LYRM4: variants seen among roughly 807,000 people sequenced by gnomAD.
LYRM4 encodes the protein LYR motif-containing protein 4.
LYRM4 carries 9 observed loss-of-function variants against 11.7 expected under a neutral mutation model. The ratio of observed to expected loss-of-function variants is 0.77; its 90% CI spans 0.46 to 1.34. The LOEUF is 1.34. Among genes scored for constraint, LYRM4 ranks in the 40% most tolerant of loss-of-function variants. The probability of loss-of-function intolerance (pLI) is 0.00; values close to 1 mark genes in which losing one functional copy is unlikely to be tolerated. For missense variants in LYRM4, 133 were observed against 112.5 expected, an observed-to-expected ratio of 1.18 and a Z score of -0.82; for synonymous variants, 42 against 40.4, an observed-to-expected ratio of 1.04 and a Z score of -0.15.
chr6:5,260,601 C>CCGGGCCCGGG, intron 1 of LYRM4, 47 bp downstream of exon 1: 1 of 1,202,676 alleles, frequency 8.3e-7, no homozygotes, highest in Non-Finnish European at 1.2e-6. Context: ...CCCCCGGTCC[C>CCGGGCCCGGG]CGGCCCCTGG....
At chr6:5,085,737 CT>C in the LYRM4 span, 1 of 1,542,468 alleles carries the variant, frequency 6.5e-7, no homozygotes. Context: ...GCGCGCGCTC[CT>C]TTTCCTTGCC....
chr6:5,177,879 C>T (rs917615248), intron 2 of LYRM4, among the ~76,000 whole-genome samples: 2 of 152,174 alleles, frequency 1.3e-5, no homozygotes, highest in South Asian at 2.1e-4. Context: ...CTAGGCCTCA[C>T]GCGCTCCTCA....
chr6:5,127,844 G>GT (rs1470116874), intron 2 of LYRM4, among the ~76,000 whole-genome samples: 1 of 151,996 alleles, frequency 6.6e-6, no homozygotes, highest in Non-Finnish European at 1.5e-5. Flanking sequence ...TTTTTAGTGG[G>GT]TTTTTTAAAA....
At chr6:5,149,080 A>G (rs992957278) in intron 2 of LYRM4, among the ~76,000 whole-genome samples, 1 of 152,218 alleles carries the variant, frequency 6.6e-6, no homozygotes, top group Non-Finnish European at 1.5e-5. Flanking sequence ...TGATTGGATG[A>G]GTAATATTTA....
intron 2 of LYRM4, among the ~76,000 whole-genome samples, chr6:5,164,786 G>A (rs778211310): frequency 1.3e-5 from 2 of 151,964 alleles, no homozygotes; most frequent in Admixed American, 6.6e-5. Flanking sequence ...TGGCCAATAC[G>A]GTGAAACCCA....
At chr6:5,246,032 C>T (rs2127763457) in intron 1 of LYRM4, among the ~76,000 whole-genome samples, 1 of 152,166 alleles carries the variant, frequency 6.6e-6, no homozygotes, top group South Asian at 2.1e-4. Context: ...CTTCTTCTTT[C>T]CTTTAAAAAA....
chr6:5,224,849 A>G (rs768518253), intron 1 of LYRM4, among the ~76,000 whole-genome samples: 4 of 151,876 alleles, frequency 2.6e-5, no homozygotes, highest in Non-Finnish European at 5.9e-5. Context: ...AATCCCAGCT[A>G]CTCGGTAGGC....
the LYRM4 span, among the ~76,000 whole-genome samples, chr6:5,049,464 A>G: frequency 6.6e-6 from 1 of 152,212 alleles, no homozygotes; most frequent in East Asian, 1.9e-4. Flanking sequence ...ATGACAAAAG[A>G]GCACAGTACT....
At chr6:5,256,551 T>C (rs1764688798) in intron 1 of LYRM4, among the ~76,000 whole-genome samples, 2 of 143,420 alleles carry the variant, frequency 1.4e-5, no homozygotes, top group South Asian at 4.5e-4. Flanking sequence ...CTTAAACTTA[T>C]TGGTCTCAGG....
chr6:5,158,004 GCAA>G (rs1190715708), intron 2 of LYRM4, among the ~76,000 whole-genome samples: 3 of 152,150 alleles, frequency 2.0e-5, no homozygotes. Flanking sequence ...AAACGCCAAG[GCAA>G]CAACAACACA....
the LYRM4 span, among the ~76,000 whole-genome samples, chr6:5,051,237 A>T: frequency 6.6e-6 from 1 of 152,232 alleles, no homozygotes; most frequent in Non-Finnish European, 1.5e-5. Flanking sequence ...GAGAAGACAA[A>T]GAAAAAGGGG....
chr6:5,101,743 C>T (rs1264260135), downstream of LYRM4, among the ~76,000 whole-genome samples: 1 of 152,100 alleles, frequency 6.6e-6, no homozygotes, highest in Non-Finnish European at 1.5e-5. Context: ...CCAGCTCAGA[C>T]TGTCCCATCC....
chr6:5,172,469 T>A (rs879942872), intron 2 of LYRM4, among the ~76,000 whole-genome samples: 2 of 152,136 alleles, frequency 1.3e-5, no homozygotes, highest in Non-Finnish European at 2.9e-5. Context: ...CTAGCGTCAC[T>A]AAGCTGCCCC....
intron 2 of LYRM4, among the ~76,000 whole-genome samples, chr6:5,214,237 T>C (rs1194228089): frequency 6.7e-6 from 1 of 148,392 alleles, no homozygotes. Flanking sequence ...CTGTTTTAGA[T>C]AGTGTGGTCC....
At chr6:5,081,802 G>A in the LYRM4 span, among the ~76,000 whole-genome samples, 4 of 152,336 alleles carry the variant, frequency 2.6e-5, no homozygotes, top group East Asian at 5.8e-4. Context: ...TGAGATGACT[G>A]AGAGTGGGCT....
chr6:5,178,232 G>T (rs572283722), intron 2 of LYRM4, among the ~76,000 whole-genome samples: 31 of 152,238 alleles, frequency 2.0e-4, no homozygotes, highest in African/African-American at 3.6e-4. Context: ...TTTGGTAACA[G>T]TCAAAAGTCA....
At chr6:5,166,920 A>G (rs1266139767) in intron 2 of LYRM4, among the ~76,000 whole-genome samples, 3 of 152,212 alleles carry the variant, frequency 2.0e-5, no homozygotes, top group African/African-American at 4.8e-5. Context: ...CCAAAAAGCC[A>G]TTCAAACCAA....
intron 2 of LYRM4, among the ~76,000 whole-genome samples, chr6:5,172,507 T>A (rs1221040931): frequency 6.6e-6 from 1 of 152,116 alleles, no homozygotes; most frequent in Non-Finnish European, 1.5e-5. Flanking sequence ...AAATGTGAGA[T>A]GCCCTAAGGA....
chr6:5,110,220 G>C (rs1762816591), intron 2 of LYRM4, among the ~76,000 whole-genome samples: 1 of 148,460 alleles, frequency 6.7e-6, no homozygotes, highest in Non-Finnish European at 1.5e-5. Context: ...TGAAGGAAGG[G>C]CTGATCATTA....
Sources: gnomAD v4.1 joint callset for allele counts (sites outside exome capture counted in the v4.1 genomes callset) on GRCh38, gnomAD v4.1.1 for gene constraint, MANE v1.5 for transcripts, NCBI Gene and HGNC (gene_info 2026-07-23, HGNC 2026-07-21) for gene names.